Variants in IQSEC3 observed in about 807,000 individuals in gnomAD.
IQSEC3 encodes the protein IQ motif and Sec7 domain ArfGEF 3.
Under a neutral mutation model 105.4 loss-of-function variants are expected in IQSEC3, and 50 were observed. The ratio of observed to expected loss-of-function variants is 0.47; its 90% confidence interval spans 0.38 to 0.60. The LOEUF (loss-of-function observed/expected upper bound fraction) is 0.60. Among genes scored for constraint, IQSEC3 ranks in the 20% least tolerant of loss-of-function variants. The probability of loss-of-function intolerance (pLI) is 0.00; values close to 1 mark genes in which losing one functional copy is unlikely to be tolerated. For missense variants in IQSEC3, 1,415 were observed against 1,630.0 expected (o/e 0.87, Z 2.27); for synonymous variants, 708 against 746.0 (o/e 0.95, Z 0.83).
chr12:98,065 A>G (rs12231721), intron 1 of IQSEC3, among the ~76,000 whole-genome samples: 10,544 of 152,270 alleles, frequency 0.069, 478 homozygotes, highest in East Asian at 0.2. Context: ...AGCTGAAGGA[A>G]TTTTGAAAAT....
chr12:81,645 T>C (rs1211489145), intron 1 of IQSEC3, among the ~76,000 whole-genome samples: 1 of 152,146 alleles, frequency 6.6e-6, no homozygotes, highest in African/African-American at 2.4e-5. Flanking sequence ...CGGATGGCGT[T>C]TGAGACAGCT....
chr12:175,119 C>A lies in IQSEC3; in HGVS notation c.*86C>A. 1.9e-6 allele frequency: 2 copies of A among 1,034,658 alleles called. No individual in the cohort carries two copies. The highest frequency in any genetic ancestry group is 2.7e-6 in the Non-Finnish European group (2 of 735,992). The allele number at this position is 1,034,658 out of a possible 1,614,324, so 64.1% of individuals were successfully genotyped here. On this transcript the variant is annotated 3_prime_UTR_variant, in exon 14 of 14. Transcript: ENST00000538872. ...CTCCACTGCTCCCCATACCCTGGCA[C>A]GATGCGTTCCTGGTCACTGATCACC... is the stretch of plus-strand genomic sequence containing the variant.
Position 138,685 on chromosome 12 carries a change from AGGCGGCCGCGGGGCCCCCAGGCCT to A in IQSEC3, c.1325_1348del (p.Ala442_Leu449del). 1 of 1,540,460 alleles carries A rather than the reference AGGCGGCCGCGGGGCCCCCAGGCCT, an allele frequency of 6.5e-7. No individual in the cohort carries two copies. The highest frequency in any genetic ancestry group is 1.2e-5 in the South Asian group (1 of 84,594). ...GCTTACCAGCTCCACCAGGCCCTGCAGGCGGCCGCGGGGCCCCCAGGCCTGGAGGCCGAGGGGCGGGCGCCGGAG... is the reference window on the plus strand; with the variant it reads ...GCTTACCAGCTCCACCAGGCCCTGCAGGAGGCCGAGGGGCGGGCGCCGGAG... On this transcript the variant is annotated inframe_deletion, in exon 4 of 14. Coordinates refer to ENST00000538872, the MANE Select transcript of IQSEC3 (RefSeq NM_001170738.2). The surrounding 1 kb of genome is among the most constrained non-coding windows in gnomAD (Gnocchi z 7.1).
intron 1 of IQSEC3, among the ~76,000 whole-genome samples, chr12:81,014 A>G (rs1555070602): frequency 6.6e-6 from 1 of 152,202 alleles, no homozygotes; most frequent in African/African-American, 2.4e-5. Context: ...GGAGGGTAGG[A>G]GGGTGCAGGC....
chr12:139,005 G>T lies in IQSEC3; in HGVS notation c.1642G>T (p.Ala548Ser), dbSNP rs781787069. Reference sequence around the variant, plus strand: ...AGCCCCCGCCGTGGGCCGGGAGGACGCGTCAGCCGAGGACTCATGCGCAGA... The same window carrying T: ...AGCCCCCGCCGTGGGCCGGGAGGACTCGTCAGCCGAGGACTCATGCGCAGA... The part of the protein sequence containing the change: ...PEAPAVGRED[A>S]SAEDSCAEAA... Residue 548 changes from alanine to serine, a missense_variant, in exon 4 of 14, where the codon GCG (alanine) becomes TCG (serine). Around this residue, in one of 6 missense-constraint regions of IQSEC3, gnomAD observed 720 missense variants for 633.0 expected, o/e 1.14. Transcript: ENST00000538872. The T allele has an allele frequency of 1.4e-5, 21 of 1,524,272 alleles. No homozygotes were observed. Among genetic ancestry groups the T allele is most frequent in the Admixed American group, 6.4e-5 (3 of 47,182 alleles). The allele number at this position is 1,524,272 out of a possible 1,614,324, so 94.4% of individuals were successfully genotyped here. A position where few individuals can be genotyped will look rare whatever the true frequency, so the allele number is the denominator to read the frequency against.
At chr12:117,736 G>A (rs1555080984) in intron 2 of IQSEC3, among the ~76,000 whole-genome samples, 2 of 152,158 alleles carry the variant, frequency 1.3e-5, no homozygotes, top group Non-Finnish European at 2.9e-5. Flanking sequence ...ACAAGGAGAG[G>A]AAGAACTTCT....
rs926120128 is a variant in IQSEC3, at chr12:153,380, C to T, written c.2154-3645C>T. Among the ~76,000 whole-genome samples the T allele has an allele frequency of 3.3e-5, 5 of 152,242 alleles. No individual in the cohort carries two copies. In the South Asian group the frequency reaches 8.3e-4, roughly 25 times the overall value. On this transcript the variant is annotated intron_variant, in intron 5 of 13. Transcript: ENST00000538872. ...CTGCTGCGGGTCGTCTGCCCCCTGC[C>T]GTTGGGAGCGTCTGCAGTGCTTCAG...
intron 2 of IQSEC3, among the ~76,000 whole-genome samples, chr12:115,109 C>T (rs1555080373): frequency 6.6e-6 from 1 of 152,216 alleles, no homozygotes; most frequent in Non-Finnish European, 1.5e-5. Flanking sequence ...TGGTAACTAG[C>T]TAAATGTCCA....
chr12:81,126 G>A (rs1358992777), intron 1 of IQSEC3, among the ~76,000 whole-genome samples: 6 of 152,258 alleles, frequency 3.9e-5, no homozygotes, highest in African/African-American at 1.4e-4. Context: ...ATGCTGATGG[G>A]GCTTGGATGA....
Position 67,385 on chromosome 12 carries a change from A to C in IQSEC3, c.503A>C (p.Gln168Pro), listed in dbSNP as rs1863139330. The C allele has an allele frequency of 6.3e-7, 1 of 1,597,774 alleles. No homozygotes were observed. Among genetic ancestry groups the C allele is most frequent in the Admixed American group, 1.7e-5 (1 of 59,896 alleles). ...TGCGCTGCTGCCGGAGCCCTCCTTC[A>C]GCACAAATCCCCCTCCGCCCTCGGC... ...SCCAAAGALL[Q>P]HKSPSALGKG... The change falls in exon 1 of 14, where the codon CAG becomes CCG. Residue 168 changes from glutamine to proline, a missense_variant. This residue lies in a region of IQSEC3 where 26 missense variants were observed against 108.1 expected (regional missense o/e 0.24). Coordinates refer to ENST00000538872, the MANE Select transcript of IQSEC3 (RefSeq NM_001170738.2).
intron 6 of IQSEC3, 36 bp from the exon 7 acceptor site, chr12:157,492 G>GGGGGGGCCCCC: frequency 7.2e-7 from 1 of 1,389,484 alleles, no homozygotes. Flanking sequence ...GGTGGGCGGG[G>GGGGGGGCCCCC]GCTCAGCGTC....
intron 1 of IQSEC3, among the ~76,000 whole-genome samples, chr12:69,926 A>G (rs1863245271): frequency 6.6e-6 from 1 of 152,244 alleles, no homozygotes; most frequent in Non-Finnish European, 1.5e-5. Flanking sequence ...ATCTCCATGG[A>G]GAGGGAGAGG....
At chr12:130,402 C>T (rs113520904) in intron 3 of IQSEC3, among the ~76,000 whole-genome samples, 7 of 152,188 alleles carry the variant, frequency 4.6e-5, no homozygotes, top group African/African-American at 1.7e-4. Context: ...GTAACTTGCC[C>T]AAGGACACAG....
At chr12:100,975 T>C (rs1864405052) in intron 2 of IQSEC3, among the ~76,000 whole-genome samples, 2 of 152,142 alleles carry the variant, frequency 1.3e-5, no homozygotes, top group Non-Finnish European at 2.9e-5. Flanking sequence ...CTGCCTTCCT[T>C]GGTAGAAGAG....
chr12:157,941 T>A (rs1866752989), intron 7 of IQSEC3, among the ~76,000 whole-genome samples: 2 of 152,240 alleles, frequency 1.3e-5, no homozygotes, highest in South Asian at 4.1e-4. Context: ...TTGCCCTCCG[T>A]GGAACATGGT....
chr12:102,226 CT>C (rs1400907842), intron 2 of IQSEC3, among the ~76,000 whole-genome samples: 1 of 151,968 alleles, frequency 6.6e-6, no homozygotes, highest in East Asian at 1.9e-4. Flanking sequence ...GGCTCCTCCC[CT>C]GTCAGTCAGT....
At chr12:173,378 C>G (rs117575159) in intron 13 of IQSEC3, among the ~76,000 whole-genome samples, 1 of 152,188 alleles carries the variant, frequency 6.6e-6, no homozygotes, top group African/African-American at 2.4e-5. Flanking sequence ...GCCTGCGGAG[C>G]CTCGGGAGGG....
At chr12:123,654 A>G (rs1555082404) in intron 2 of IQSEC3, among the ~76,000 whole-genome samples, 1 of 152,048 alleles carries the variant, frequency 6.6e-6, no homozygotes, top group Non-Finnish European at 1.5e-5. Context: ...GAGATTCTCA[A>G]CCCCACCCTT....
intron 1 of IQSEC3, among the ~76,000 whole-genome samples, chr12:83,293 T>C (rs957448584): frequency 1.3e-5 from 2 of 152,190 alleles, no homozygotes; most frequent in Admixed American, 6.5e-5. Flanking sequence ...GGCACAGGGA[T>C]TCGCGGTGAA....
Sources: gnomAD v4.1 joint callset for allele counts (sites outside exome capture counted in the v4.1 genomes callset) on GRCh38, gnomAD v4.1.1 for gene constraint, gnomAD v4.1.1 regional missense constraint, Gnocchi (gnomAD v3.1) non-coding constraint, MANE v1.5 for transcripts, NCBI Gene and HGNC (gene_info 2026-07-23, HGNC 2026-07-21) for gene names.